The following ZNF22 variants were observed in gnomAD, a reference collection of about 807,000 sequenced individuals.
The protein encoded by ZNF22 is zinc finger protein 22.
ZNF22 carries 15 observed loss-of-function variants against 17.0 expected under a neutral mutation model. That is an observed-to-expected ratio of 0.88 (90% CI 0.59 to 1.36). The LOEUF (loss-of-function observed/expected upper bound fraction) is 1.36. Ranked by LOEUF, ZNF22 falls within the 40% of genes most tolerant of loss-of-function variation. The pLI is 0.00. For missense variants in ZNF22, 272 were observed against 276.1 expected, an observed-to-expected ratio of 0.98 and a Z score of 0.11; for synonymous variants, 84 against 90.7, an observed-to-expected ratio of 0.93 and a Z score of 0.42.
chr10:45,002,552 C>CT (rs1564474775), intron 1 of ZNF22: 2 of 152,312 alleles, frequency 1.3e-5, no homozygotes, highest in African/African-American at 2.4e-5. Context: ...GAAAACAGTA[C>CT]TTTCGTTTTG....
chr10:45,001,646 C>T (rs948800569), intron 1 of ZNF22, among the ~76,000 whole-genome samples: 1 of 152,148 alleles, frequency 6.6e-6, no homozygotes, highest in Non-Finnish European at 1.5e-5. Flanking sequence ...GGTCTGGGAA[C>T]CCGGCCAGTG....
chr10:45,001,041 G>T, intron 1 of ZNF22, 63 bp downstream of exon 1: 1 of 218,252 alleles, frequency 4.6e-6, no homozygotes. Flanking sequence ...GTCCGCTCGG[G>T]AGCGCGCTGG....
At position 45,003,698 on chromosome 10, in the gene ZNF22, C is replaced by G. The variant is rs752012013; in HGVS notation, c.330C>G (p.Pro110=). ...GACGGATCCATACGGGGGAAAAGCC[C>G]TACAAATGTGATGAGTGTGGAGAAA... is the stretch of plus-strand genomic sequence containing the variant. The part of the protein sequence containing the change: ...QHRRIHTGEK[P]YKCDECGESF... The change falls in exon 2 of 2, where the codon CCC becomes CCG. Residue 110 remains proline (P), a synonymous_variant. Transcript: ENST00000298299. The G allele has an allele frequency of 2.5e-6, 4 of 1,614,098 alleles. No homozygotes were observed. Among genetic ancestry groups the G allele is most frequent in the Non-Finnish European group, 3.4e-6 (4 of 1,180,056 alleles).
intron 1 of ZNF22, among the ~76,000 whole-genome samples, chr10:45,001,258 G>A (rs1842328384): frequency 6.7e-6 from 1 of 149,990 alleles, no homozygotes; most frequent in Non-Finnish European, 1.5e-5. Flanking sequence ...GGCGAGGCGC[G>A]GCCCGCGGCG....
At position 45,003,483 on chromosome 10, in the gene ZNF22, T is replaced by G. The variant is rs770362395; in HGVS notation, c.115T>G (p.Phe39Val). 1.2e-6 allele frequency: 2 copies of G among 1,614,140 alleles called. No individual in the cohort carries two copies. The highest frequency in any genetic ancestry group is 2.7e-5 in the African/African-American group (2 of 74,952). ...QRQKWGMTIR[F>V]DSSFSRLRRS... is the part of the protein sequence containing the mutation. ...GCAGAAGTGGGGCATGACTATTCGA[T>G]TTGACTCAAGCTTCAGTAGACTCAG... Residue 39 changes from phenylalanine to valine, a missense_variant, in exon 2 of 2, where the codon TTT becomes GTT. Physicochemically the swap from Phe to Val is conservative, Grantham distance 50. Coordinates refer to ENST00000298299, the MANE Select transcript of ZNF22 (RefSeq NM_006963.5).
chr10:45,003,250 T>C (rs1209272354), intron 1 of ZNF22, 30 bp from the exon 2 acceptor site: 2 of 890,344 alleles, frequency 2.2e-6, no homozygotes, highest in East Asian at 5.5e-5. Context: ...TTTCTGATCA[T>C]CTCTAAATTT....
In ZNF22 at chr10:45,003,815, C is replaced by T. The variant is rs1322826945; in HGVS notation, c.447C>T (p.Ser149=). 1.2e-6 allele frequency: 2 copies of T among 1,614,026 alleles called. No individual in the cohort carries two copies. Among genetic ancestry groups the T allele is most frequent in the African/African-American group, 1.3e-5 (1 of 74,910 alleles). Residue 149 remains serine, a synonymous_variant, in exon 2 of 2, where the codon AGC becomes AGT. Coordinates refer to ENST00000298299, the MANE Select transcript of ZNF22 (RefSeq NM_006963.5). The part of the protein sequence containing the change: ...YQCDECGRCF[S]QSSHLIQHQR... ...GTGATGAGTGTGGCCGGTGTTTCAGCCAGAGCTCCCACCTTATTCAACATC... is the reference window on the plus strand; with the variant it reads ...GTGATGAGTGTGGCCGGTGTTTCAGTCAGAGCTCCCACCTTATTCAACATC...
At chr10:45,001,045 G>A (rs1304935616) in intron 1 of ZNF22, 67 bp downstream of exon 1, 17 of 206,604 alleles carry the variant, frequency 8.2e-5, no homozygotes, top group Non-Finnish European at 1.4e-4. Flanking sequence ...GCTCGGGAGC[G>A]CGCTGGCCGC....
Position 45,004,358 on chromosome 10 carries a change from A to G in ZNF22, c.*315A>G, listed in dbSNP as rs117076561. On this transcript the variant is annotated 3_prime_UTR_variant, in exon 2 of 2. Transcript: ENST00000298299. ...AAAAACCATCATGTTTTGTAGATAC[A>G]TTTTGAGAAAAACCATCATGTTTTG... 8.2e-4 allele frequency: 185 copies of G among 224,916 alleles called. No homozygotes were observed. The East Asian group carries it at 0.019, about 23-fold the overall frequency. The allele number at this position is 224,916 out of a possible 1,614,324, so 13.9% of individuals were successfully genotyped here.
chr10:45,003,641 T>G lies in ZNF22; in HGVS notation c.273T>G (p.Ser91Arg). 6.2e-7 allele frequency: 1 copy of G among 1,614,228 alleles called. No individual in the cohort carries two copies. The highest frequency in any genetic ancestry group is 8.5e-7 in the Non-Finnish European group (1 of 1,180,044). Residue 91 changes from serine (S) to arginine (R), a missense_variant, in exon 2 of 2, where the codon AGT becomes AGG. By Grantham distance (110) the Ser-to-Arg change is moderately radical. Transcript: ENST00000298299. ...KSHKCADCGKSFFQSSNLIQH... is the reference protein window; with the variant it reads ...KSHKCADCGKRFFQSSNLIQH... ...ATAAATGTGCTGATTGTGGGAAAAG[T>G]TTCTTTCAGAGTTCTAATCTCATTC...
rs1248993726 is a variant in ZNF22, at chr10:45,003,724, G to T, written c.356G>T (p.Ser119Ile). ...TACAAATGTGATGAGTGTGGAGAAA[G>T]CTTCAAACAGAGCTCAAATCTCATT... ...KPYKCDECGE[S>I]FKQSSNLIQH... is the part of the protein sequence containing the mutation. The change falls in exon 2 of 2, where the codon AGC becomes ATC. Residue 119 changes from serine (S) to isoleucine (I), a missense_variant. Coordinates refer to ENST00000298299, the MANE Select transcript of ZNF22 (RefSeq NM_006963.5). The T allele has an allele frequency of 2.5e-6, 4 of 1,614,186 alleles. No homozygotes were observed. The highest frequency in any genetic ancestry group is 3.4e-6 in the Non-Finnish European group (4 of 1,180,042).
In ZNF22 at chr10:45,004,081, GA is replaced by G. The variant is rs1330037894; in HGVS notation, c.*44del. The stretch of plus-strand genomic sequence containing the variant: ...TTGACAGCTTTTTGAGACCTCTTAA[GA>G]AAAAATAAAAAGTAAAAAATGAAAG... On this transcript the variant is annotated 3_prime_UTR_variant, in exon 2 of 2. Coordinates refer to ENST00000298299, the MANE Select transcript of ZNF22 (RefSeq NM_006963.5). The G allele has an allele frequency of 2.0e-6, 3 of 1,529,020 alleles. No individual in the cohort carries two copies. Among genetic ancestry groups the G allele is most frequent in the Non-Finnish European group, 2.6e-6 (3 of 1,140,812 alleles). The allele number at this position is 1,529,020 out of a possible 1,614,324, so 94.7% of individuals were successfully genotyped here. A position where few individuals can be genotyped will look rare whatever the true frequency, so the allele number is the denominator to read the frequency against.
chr10:45,003,500 T>C lies in ZNF22; in HGVS notation c.132T>C (p.Ser44=). 6.2e-7 allele frequency: 1 copy of C among 1,614,252 alleles called. No homozygotes were observed. Among genetic ancestry groups the C allele is most frequent in the Non-Finnish European group, 8.5e-7 (1 of 1,180,038 alleles). The part of the protein sequence containing the change: ...GMTIRFDSSF[S]RLRRSLDDKP... ...CTATTCGATTTGACTCAAGCTTCAG[T>C]AGACTCAGAAGAAGCTTGGATGACA... is the stretch of plus-strand genomic sequence containing the variant. The change falls in exon 2 of 2, where the codon AGT becomes AGC. Residue 44 remains serine, a synonymous_variant. Transcript: ENST00000298299.
intron 1 of ZNF22, 138 bp downstream of exon 1, chr10:45,001,116 C>T (rs1588860101): frequency 6.5e-6 from 1 of 153,338 alleles, no homozygotes; most frequent in Admixed American, 6.6e-5. Flanking sequence ...CCGGGCAGGG[C>T]CTGGCCGCCG....
intron 1 of ZNF22, chr10:45,002,819 A>T (rs1842345016): frequency 6.6e-6 from 1 of 152,342 alleles, no homozygotes; most frequent in Non-Finnish European, 1.5e-5. Context: ...GGCAGTTACT[A>T]GTTAGTAGAA....
chr10:45,000,966 C>G lies in ZNF22; in HGVS notation c.-102C>G, dbSNP rs1323616910. 10 of 889,098 alleles carry G rather than the reference C, an allele frequency of 1.1e-5. No homozygotes were observed. Among genetic ancestry groups the G allele is most frequent in the East Asian group, 8.5e-5 (1 of 11,834 alleles). The allele number at this position is 889,098 out of a possible 1,614,324, so 55.1% of individuals were successfully genotyped here. On this transcript the variant is annotated 5_prime_UTR_variant, in exon 1 of 2. Transcript: ENST00000298299. ...GGCGCCCAGCGAGCCAGAGTGGTGG[C>G]TGGTCCCGCGCGGTGAGTGGGATTG...
At position 45,001,883 on chromosome 10, in the gene ZNF22, T is replaced by TA. The variant is rs553803632; in HGVS notation, c.-90+919dup. Among the ~76,000 whole-genome samples, 1,164 of 138,362 alleles carry TA rather than the reference T, an allele frequency of 8.4e-3. 6 individuals are homozygous for TA. Among genetic ancestry groups the TA allele is most frequent in the African/African-American group, 0.021 (802 of 37,872 alleles). 90.8% of individuals were successfully genotyped at this position (138,362 alleles called of 152,430 possible). On this transcript the variant is annotated intron_variant, in intron 1 of 1. Transcript: ENST00000298299. ...TATGTATAATGACCATTATAGTTAT[T>TA]AAAAAAAAAAAAAAGCAACACCAAC...
Position 45,003,645 on chromosome 10 carries a change from T to A in ZNF22, c.277T>A (p.Phe93Ile), listed in dbSNP as rs924886082. 4.3e-6 allele frequency: 7 copies of A among 1,614,142 alleles called. No homozygotes were observed. The highest frequency in any genetic ancestry group is 5.9e-6 in the Non-Finnish European group (7 of 1,180,062). ...ATGTGCTGATTGTGGGAAAAGTTTC[T>A]TTCAGAGTTCTAATCTCATTCAGCA... ...HKCADCGKSF[F>I]QSSNLIQHRR... Residue 93 changes from phenylalanine to isoleucine, a missense_variant, in exon 2 of 2, where the codon TTT (phenylalanine) becomes ATT (isoleucine). Transcript: ENST00000298299.
intron 1 of ZNF22, chr10:45,002,703 C>G (rs1842344128): frequency 5.3e-5 from 8 of 152,178 alleles, no homozygotes; most frequent in Admixed American, 3.9e-4. Flanking sequence ...AGAATTAGAG[C>G]TAAACTGTCA....
Sources: allele counts gnomAD v4.1 joint callset (sites outside exome capture counted in the v4.1 genomes callset), GRCh38; gene constraint gnomAD v4.1.1; transcripts MANE v1.5; gene names NCBI Gene and HGNC (gene_info 2026-07-23, HGNC 2026-07-21).